TTC23L: variants seen among roughly 807,000 people sequenced by gnomAD.
TTC23L encodes tetratricopeptide repeat protein 23-like.
In TTC23L, 42 loss-of-function variants were observed where a neutral mutation model predicts 48.1. The ratio of observed to expected loss-of-function variants is 0.87; its 90% CI spans 0.68 to 1.13. The LOEUF is 1.13. TTC23L is among the 50% of genes most tolerant of loss of function. TTC23L has a pLI of 0.00. For missense variants in TTC23L, 391 were observed against 421.0 expected, an observed-to-expected ratio of 0.93 and a Z score of 0.62; for synonymous variants, 159 against 157.2, an observed-to-expected ratio of 1.01 and a Z score of -0.09.
downstream of TTC23L, among the ~76,000 whole-genome samples, chr5:34,902,662 C>T (rs1763536303): frequency 6.6e-6 from 1 of 152,124 alleles, no homozygotes; most frequent in Non-Finnish European, 1.5e-5. Context: ...AAAGCCTTGT[C>T]CACTGACTGG....
downstream of TTC23L, among the ~76,000 whole-genome samples, chr5:34,900,025 T>TA (rs1200398856): frequency 6.6e-6 from 1 of 152,234 alleles, no homozygotes; most frequent in African/African-American, 2.4e-5. Context: ...CCATTTCCCT[T>TA]TTTCTAACTC....
chr5:34,915,586 C>T, the TTC23L span: 1 of 991,962 alleles, frequency 1.0e-6, no homozygotes, highest in South Asian at 1.8e-5. Context: ...TAGAGAGCCG[C>T]GCGTGCCGCG....
At chr5:34,918,262 C>G in the TTC23L span, 1 of 586,428 alleles carries the variant, frequency 1.7e-6, no homozygotes, top group African/African-American at 2.0e-5. Context: ...CTGCAGTGAG[C>G]CGTGAGCACT....
At chr5:34,867,391 C>A (rs1761146094) in intron 7 of TTC23L, 1 of 319,462 alleles carries the variant, frequency 3.1e-6, no homozygotes, top group Non-Finnish European at 5.8e-6. Flanking sequence ...ACAGGGACAA[C>A]CGAACTTAAA....
chr5:34,912,032 T>C, the TTC23L span, among the ~76,000 whole-genome samples: 2 of 152,328 alleles, frequency 1.3e-5, no homozygotes, highest in East Asian at 1.9e-4. Context: ...AAATGTAACA[T>C]AATTCTTTGG....
At position 34,872,846 on chromosome 5, in the gene TTC23L, T is replaced by A. The variant is rs191603624; in HGVS notation, c.949+3833T>A. On this transcript the variant is annotated intron_variant, in intron 8 of 10. Coordinates refer to ENST00000505624, the Ensembl canonical transcript of TTC23L. ...GAGAGGCCGAGGCAGGTATTTTGCCTGAGGTCAGGAGTTTGAGACCAGCCT... is the reference window on the plus strand; with the variant it reads ...GAGAGGCCGAGGCAGGTATTTTGCCAGAGGTCAGGAGTTTGAGACCAGCCT... Among the ~76,000 whole-genome samples, 614 of 152,326 alleles carry A rather than the reference T, an allele frequency of 4.0e-3. 2 individuals carry two copies. Among genetic ancestry groups the A allele is most frequent in the Non-Finnish European group, 5.7e-3 (391 of 68,032 alleles).
chr5:34,850,833 A>G (rs1759614074), intron 4 of TTC23L, among the ~76,000 whole-genome samples: 2 of 152,230 alleles, frequency 1.3e-5, no homozygotes, highest in South Asian at 4.1e-4. Context: ...GAATAAGACA[A>G]GAATCTATTT....
rs749241327 is a variant in TTC23L, at chr5:34,845,691, C to G, written c.255+18C>G. ...AAAAAATGGTAAAACAAAAAACTCA[C>G]TAAAATTTTGTTTCCATTTAAAAAT... On this transcript the variant is annotated intron_variant, in intron 3 of 10. Coordinates refer to ENST00000505624, the Ensembl canonical transcript of TTC23L. The G allele has an allele frequency of 6.3e-7, 1 of 1,590,732 alleles. No homozygotes were observed. Among genetic ancestry groups the G allele is most frequent in the South Asian group, 1.2e-5 (1 of 86,894 alleles).
At chr5:34,909,427 AC>A in the TTC23L span, 1 of 1,067,138 alleles carries the variant, frequency 9.4e-7, no homozygotes, top group Non-Finnish European at 1.4e-6. Flanking sequence ...AATAAAGAAA[AC>A]ACTTCCTTAA....
At chr5:34,880,645 CT>C (rs34549849) in intron 9 of TTC23L, 25,161 of 357,570 alleles carry the variant, frequency 0.07, 3 homozygotes, top group South Asian at 0.086. Context: ...CTCTGACAAA[CT>C]TTTTTTTTTT....
At chr5:34,880,810 TG>T in intron 9 of TTC23L, 1 of 262,082 alleles carries the variant, frequency 3.8e-6, no homozygotes, top group Non-Finnish European at 7.5e-6. Context: ...AGCTAATTTT[TG>T]TATTTTTAGT....
At chr5:34,848,151 C>T (rs1402523282) in intron 3 of TTC23L, among the ~76,000 whole-genome samples, 1 of 152,128 alleles carries the variant, frequency 6.6e-6, no homozygotes, top group Non-Finnish European at 1.5e-5. Flanking sequence ...AGAACCAGGG[C>T]TGAAACTTTA....
At chr5:34,883,879 AGAG>A (rs1762392901) in intron 9 of TTC23L, among the ~76,000 whole-genome samples, 1 of 152,328 alleles carries the variant, frequency 6.6e-6, no homozygotes, top group South Asian at 2.1e-4. Flanking sequence ...ATTTTCTGGA[AGAG>A]GAGGACACAC....
intron 8 of TTC23L, among the ~76,000 whole-genome samples, chr5:34,878,351 A>T (rs1762000831): frequency 1.3e-5 from 2 of 152,172 alleles, no homozygotes; most frequent in South Asian, 4.1e-4. Context: ...AAAAAATAGA[A>T]ATCAAAGAAC....
chr5:34,882,349 A>T (rs1762273296), intron 9 of TTC23L, among the ~76,000 whole-genome samples: 1 of 152,168 alleles, frequency 6.6e-6, no homozygotes, highest in Non-Finnish European at 1.5e-5. Context: ...CGGACTATGG[A>T]CAAGTCAGCT....
At chr5:34,839,657 C>G in intron 1 of TTC23L, 3 of 985,234 alleles carry the variant, frequency 3.0e-6, no homozygotes, top group Non-Finnish European at 2.4e-6. Context: ...GAGCCTGGGT[C>G]AGAAAGCCAC....
chr5:34,877,410 TTTTC>T (rs1354083705), intron 8 of TTC23L, among the ~76,000 whole-genome samples: 28 of 150,218 alleles, frequency 1.9e-4, no homozygotes, highest in African/African-American at 5.5e-4. Flanking sequence ...TATTATTCTT[TTTTC>T]TTTCTTTCTT....
rs1431679468 is a variant in TTC23L at position 34,840,150 on chromosome 5, C to G, written c.-7-515C>G. 2.0e-5 allele frequency among the ~76,000 whole-genome samples: 3 copies of G among 150,518 alleles called. No individual in the cohort carries two copies. The Admixed American group carries it at 2.0e-4, about 10-fold the overall frequency. ...CGGGTGATCCACCCGCCTCGGCTTC[C>G]CACAGTGCTGGGATTACAGGCGTGA... On this transcript the variant is annotated intron_variant, in intron 1 of 10. Transcript: ENST00000505624.
At chr5:34,888,529 G>A in intron 9 of TTC23L, 1 of 985,310 alleles carries the variant, frequency 1.0e-6, no homozygotes, top group South Asian at 4.7e-5. Flanking sequence ...TCCTTACCCT[G>A]TGGCAGAGGT....
Sources: allele counts gnomAD v4.1 joint callset (sites outside exome capture counted in the v4.1 genomes callset), GRCh38; gene constraint gnomAD v4.1.1; transcripts MANE v1.5; gene names NCBI Gene and HGNC (gene_info 2026-07-23, HGNC 2026-07-21).